The following ZBTB16 variants were observed in gnomAD, a reference collection of about 807,000 sequenced individuals.
ZBTB16 encodes zinc finger and BTB domain-containing protein 16.
In ZBTB16, 8 loss-of-function variants were observed where a neutral mutation model predicts 56.8. The observed-to-expected ratio is 0.14, with a 90% CI of 0.08 to 0.25. The LOEUF is 0.25. Ranked by LOEUF, ZBTB16 falls within the 10% of genes least tolerant of loss-of-function variation. The pLI is 1.00. For synonymous variants in ZBTB16, 363 were observed against 368.5 expected, an observed-to-expected ratio of 0.98 and a Z score of 0.17; for missense variants, 625 against 903.0, an observed-to-expected ratio of 0.69 and a Z score of 3.95.
rs1044669249 is a variant in ZBTB16 at position 114,195,099 on chromosome 11, T to A, written c.1453+8061T>A. On this transcript the variant is annotated intron_variant, in intron 4 of 6. Transcript: ENST00000335953. ...GGAGTGGGTTTTACAAATCATAATG[T>A]TGTTCAAGCCACTGTACATCCCCAT... 1.1e-4 allele frequency among the ~76,000 whole-genome samples: 17 copies of A among 152,202 alleles called. 1 individual carries two copies. Among genetic ancestry groups the A allele is most frequent in the Admixed American group, 3.9e-4 (6 of 15,280 alleles).
intron 2 of ZBTB16, among the ~76,000 whole-genome samples, chr11:114,121,260 G>A (rs79403502): frequency 0.092 from 13,969 of 152,196 alleles, 719 homozygotes; most frequent in Middle Eastern, 0.17. Context: ...AGCTGCTGGT[G>A]TGGTCACTGA....
At chr11:114,070,367 C>T (rs1177147420) in intron 2 of ZBTB16, among the ~76,000 whole-genome samples, 1 of 152,110 alleles carries the variant, frequency 6.6e-6, no homozygotes, top group Non-Finnish European at 1.5e-5. Flanking sequence ...CTCGGCCTCC[C>T]AAAGTGCTGG....
chr11:114,171,178 G>A (rs1012620869), intron 3 of ZBTB16, among the ~76,000 whole-genome samples: 3 of 152,142 alleles, frequency 2.0e-5, no homozygotes, highest in African/African-American at 4.8e-5. Flanking sequence ...CCAAGAGCAG[G>A]GTCTGATTAT....
intron 2 of ZBTB16, among the ~76,000 whole-genome samples, chr11:114,094,712 A>G (rs1054834833): frequency 3.9e-5 from 6 of 152,262 alleles, no homozygotes; most frequent in South Asian, 4.1e-4. Flanking sequence ...ACTAGGGTCT[A>G]TCCCACAGTG....
At chr11:114,110,076 G>A (rs1178068199) in intron 2 of ZBTB16, among the ~76,000 whole-genome samples, 13 of 152,016 alleles carry the variant, frequency 8.6e-5, no homozygotes, top group Admixed American at 7.9e-4. Context: ...GAGAAGGGGC[G>A]TGAAGAATGT....
intron 4 of ZBTB16, among the ~76,000 whole-genome samples, chr11:114,208,081 C>G (rs1321885771): frequency 6.6e-6 from 1 of 152,166 alleles, no homozygotes; most frequent in African/African-American, 2.4e-5. Context: ...GTCTTCTCAG[C>G]TCATTTGTCT....
intron 4 of ZBTB16, among the ~76,000 whole-genome samples, chr11:114,235,739 CTT>C (rs1244720260): frequency 8.1e-6 from 1 of 122,928 alleles, no homozygotes; most frequent in Non-Finnish European, 1.7e-5. Flanking sequence ...TCTTTCTTTT[CTT>C]TTCTTTCCTT....
At chr11:114,077,187 C>A (rs1178517282) in intron 2 of ZBTB16, among the ~76,000 whole-genome samples, 1 of 152,026 alleles carries the variant, frequency 6.6e-6, no homozygotes, top group East Asian at 1.9e-4. Context: ...TCTGGCCAGC[C>A]CTGGATTCTG....
intron 4 of ZBTB16, among the ~76,000 whole-genome samples, chr11:114,228,876 T>G (rs1259667132): frequency 2.0e-5 from 3 of 152,182 alleles, no homozygotes; most frequent in African/African-American, 7.2e-5. Context: ...CCTAGTACAG[T>G]ATCTTCCTGG....
At chr11:114,162,934 G>A (rs915852321) in intron 3 of ZBTB16, among the ~76,000 whole-genome samples, 1 of 152,106 alleles carries the variant, frequency 6.6e-6, no homozygotes, top group Non-Finnish European at 1.5e-5. Flanking sequence ...TCCCAGAGTG[G>A]TGTCGTCACT....
At chr11:114,102,145 A>C (rs887441372) in intron 2 of ZBTB16, among the ~76,000 whole-genome samples, 1 of 152,082 alleles carries the variant, frequency 6.6e-6, no homozygotes, top group Non-Finnish European at 1.5e-5. Context: ...GGACATACTA[A>C]TTCCCAGACC....
intron 4 of ZBTB16, chr11:114,189,219 C>T (rs1318857764): frequency 2.0e-5 from 3 of 152,104 alleles, no homozygotes; most frequent in Non-Finnish European, 2.9e-5. Context: ...AGAAAGAGGT[C>T]TTATAATTCA....
chr11:114,068,248 G>T (rs79854544), intron 2 of ZBTB16, among the ~76,000 whole-genome samples: 1 of 152,210 alleles, frequency 6.6e-6, no homozygotes. Flanking sequence ...TGGGGTGGGG[G>T]GGCAGAAGGG....
chr11:114,194,881 G>A (rs891412307), intron 4 of ZBTB16, among the ~76,000 whole-genome samples: 1 of 152,146 alleles, frequency 6.6e-6, no homozygotes, highest in African/African-American at 2.4e-5. Context: ...TTTGACACAC[G>A]GACACTATCT....
chr11:114,185,444 A>G (rs1591761072), intron 3 of ZBTB16, among the ~76,000 whole-genome samples: 1 of 152,298 alleles, frequency 6.6e-6, no homozygotes, highest in East Asian at 1.9e-4. Flanking sequence ...CAGCTTACCT[A>G]TGGAGGTGGG....
chr11:114,087,167 G>A (rs554693872), intron 2 of ZBTB16, among the ~76,000 whole-genome samples: 24 of 152,286 alleles, frequency 1.6e-4, no homozygotes, highest in Middle Eastern at 3.4e-3. Flanking sequence ...CGGGAAAGAT[G>A]GTGGTTGTTC....
At chr11:114,117,630 A>C (rs1941212568) in intron 2 of ZBTB16, among the ~76,000 whole-genome samples, 1 of 152,178 alleles carries the variant, frequency 6.6e-6, no homozygotes, top group Non-Finnish European at 1.5e-5. Context: ...TTCTGGGTGG[A>C]AAACCAAAGT....
chr11:114,091,724 C>T (rs1249568465), intron 2 of ZBTB16, among the ~76,000 whole-genome samples: 1 of 151,452 alleles, frequency 6.6e-6, no homozygotes, highest in East Asian at 2.0e-4. Flanking sequence ...ACAGTCTCCT[C>T]TGTATGCGGC....
At chr11:114,095,626 C>A (rs1348368864) in intron 2 of ZBTB16, among the ~76,000 whole-genome samples, 2 of 152,156 alleles carry the variant, frequency 1.3e-5, no homozygotes, top group Admixed American at 6.5e-5. Context: ...AGAATTGGGA[C>A]CTTTGCAAGA....
Sources: allele counts gnomAD v4.1 joint callset (sites outside exome capture counted in the v4.1 genomes callset), GRCh38; gene constraint gnomAD v4.1.1; transcripts MANE v1.5; gene names NCBI Gene and HGNC (gene_info 2026-07-23, HGNC 2026-07-21).